The following DNAH14 variants were observed in gnomAD, a reference collection of about 807,000 sequenced individuals.
The protein encoded by DNAH14 is axonemal beta dynein heavy chain 14.
Under a neutral mutation model 520.9 loss-of-function variants are expected in DNAH14, and 478 were observed. The observed-to-expected ratio is 0.92, with a 90% CI of 0.85 to 0.99. The LOEUF (loss-of-function observed/expected upper bound fraction) is 0.99, where lower values mean the gene tolerates loss of function less well. Ranked by LOEUF, DNAH14 falls within the 50% of genes least tolerant of loss-of-function variation. The pLI, the probability that DNAH14 is intolerant of heterozygous loss-of-function variation, is 0.00. For synonymous variants in DNAH14, 1,581 were observed against 1,757.2 expected, an observed-to-expected ratio of 0.90 and a Z score of 2.51; for missense variants, 4,831 against 5,234.5, an observed-to-expected ratio of 0.92 and a Z score of 2.38.
intron 36 of DNAH14, among the ~76,000 whole-genome samples, chr1:225,176,681 G>A (rs1225630268): frequency 6.6e-6 from 1 of 152,128 alleles, no homozygotes; most frequent in East Asian, 1.9e-4. Flanking sequence ...AGTCTCATGG[G>A]ATCTGATGGT....
At chr1:225,373,404 G>A (rs1189322258) in intron 77 of DNAH14, among the ~76,000 whole-genome samples, 1 of 151,866 alleles carries the variant, frequency 6.6e-6, no homozygotes, top group Non-Finnish European at 1.5e-5. Context: ...GGTGGAGGTT[G>A]CAGTGAGCCG....
chr1:224,976,192 T>A (rs1416717547), intron 8 of DNAH14, among the ~76,000 whole-genome samples: 2 of 152,054 alleles, frequency 1.3e-5, no homozygotes, highest in Non-Finnish European at 1.5e-5. Flanking sequence ...CTGAAAAAAA[T>A]GTATATTCTG....
chr1:225,182,595 C>T (rs768880890), intron 36 of DNAH14, among the ~76,000 whole-genome samples: 87 of 152,170 alleles, frequency 5.7e-4, no homozygotes, highest in Non-Finnish European at 1.0e-3. Flanking sequence ...AACAGTCTCA[C>T]ACTGCCTACA....
intron 17 of DNAH14, among the ~76,000 whole-genome samples, chr1:225,071,878 AT>A (rs2071590071): frequency 6.6e-6 from 1 of 152,322 alleles, no homozygotes; most frequent in East Asian, 1.9e-4. Context: ...AACTGCCCCC[AT>A]GATTCAATCA....
chr1:225,220,427 A>G (rs191281646), intron 41 of DNAH14, among the ~76,000 whole-genome samples: 35 of 152,184 alleles, frequency 2.3e-4, no homozygotes, highest in Admixed American at 1.8e-3. Flanking sequence ...CAGCCCTAAA[A>G]CTCTTAAGCT....
In DNAH14 at chr1:225,364,817, G is replaced by A; in HGVS notation, c.12013G>A (p.Asp4005Asn). The change falls in exon 76 of 86, where the codon GAC becomes AAC. Residue 4005 changes from aspartate (D) to asparagine (N), a missense_variant. By Grantham distance (23) the Asp-to-Asn change is conservative. Transcript: ENST00000682510. The stretch of plus-strand genomic sequence containing the variant: ...TTTTAATAGTCCAAACGTGACAATA[G>A]ACCCTGAGTTTCGGCTATGGTTAAG... ...ESFNSPNVTI[D>N]PEFRLWLSSK... 1 of 1,548,138 alleles carries A rather than the reference G, an allele frequency of 6.5e-7. No individual in the cohort carries two copies. Among genetic ancestry groups the A allele is most frequent in the South Asian group, 1.2e-5 (1 of 83,630 alleles).
intron 20 of DNAH14, among the ~76,000 whole-genome samples, chr1:225,084,062 T>G (rs7523371): frequency 0.077 from 11,692 of 152,158 alleles, 1,448 homozygotes; most frequent in African/African-American, 0.26. Flanking sequence ...AGCTATTACA[T>G]GTCTAACATG....
intron 72 of DNAH14, 138 bp downstream of exon 72, chr1:225,352,021 A>T: frequency 1.5e-6 from 1 of 654,116 alleles, no homozygotes; most frequent in Non-Finnish European, 2.6e-6. Context: ...CAGCATGCAC[A>T]TGTTATTCAT....
At chr1:224,958,736 G>C (rs2060663929) in intron 3 of DNAH14, among the ~76,000 whole-genome samples, 1 of 152,024 alleles carries the variant, frequency 6.6e-6, no homozygotes, top group Non-Finnish European at 1.5e-5. Context: ...GAAAATGGGG[G>C]AGGAGAGCAC....
intron 74 of DNAH14, 34 bp from the exon 75 acceptor site, chr1:225,360,647 A>G: frequency 1.3e-6 from 2 of 1,507,582 alleles, no homozygotes; most frequent in Non-Finnish European, 1.8e-6. Context: ...AAATGAGCTT[A>G]CAGTTTTATA....
intron 34 of DNAH14, among the ~76,000 whole-genome samples, chr1:225,157,526 T>C (rs1253091478): frequency 6.6e-6 from 1 of 152,246 alleles, no homozygotes; most frequent in African/African-American, 2.4e-5. Flanking sequence ...AATATTTTAA[T>C]GAAGTGTTAC....
At chr1:225,108,765 G>A (rs1447706575) in intron 23 of DNAH14, among the ~76,000 whole-genome samples, 1 of 152,094 alleles carries the variant, frequency 6.6e-6, no homozygotes, top group East Asian at 1.9e-4. Context: ...GTGCTCATAA[G>A]GTACTACTCA....
chr1:224,999,882 C>T (rs2063638599), intron 8 of DNAH14, among the ~76,000 whole-genome samples: 1 of 152,044 alleles, frequency 6.6e-6, no homozygotes, highest in Non-Finnish European at 1.5e-5. Context: ...AGTTTTTATG[C>T]ATACATTTGA....
intron 17 of DNAH14, among the ~76,000 whole-genome samples, chr1:225,069,538 A>G (rs975450208): frequency 2.6e-5 from 4 of 152,112 alleles, no homozygotes; most frequent in Admixed American, 6.5e-5. Context: ...CCAACTTTGC[A>G]TCTTGGGGAT....
At chr1:225,269,050 G>C (rs1156332395) in intron 49 of DNAH14, among the ~76,000 whole-genome samples, 3 of 152,102 alleles carry the variant, frequency 2.0e-5, no homozygotes, top group African/African-American at 7.2e-5. Flanking sequence ...AACAAAGCTG[G>C]AGGCATCACG....
chr1:224,966,711 G>A (rs74149424), intron 5 of DNAH14, among the ~76,000 whole-genome samples: 3,770 of 152,020 alleles, frequency 0.025, 125 homozygotes, highest in African/African-American at 0.077. Context: ...TGAAAAACAG[G>A]GTCTTTCTCT....
rs2073274450 is a variant in DNAH14 at position 225,082,615 on chromosome 1, C to T, written c.3203C>T (p.Pro1068Leu). ...QVVTEFKQEL[P>L]IIIALGNPCL... ...GTAACAGAGTTTAAACAAGAGCTGC[C>T]TATCATTATAGCTCTGGGAAATCCC... Residue 1068 changes from proline (P) to leucine (L), a missense_variant, in exon 20 of 86, where the codon CCT (proline) becomes CTT (leucine). Transcript: ENST00000682510. The T allele has an allele frequency of 6.4e-7, 1 of 1,551,538 alleles. No homozygotes were observed. The highest frequency in any genetic ancestry group is 1.4e-5 in the African/African-American group (1 of 73,120).
chr1:225,102,965 A>T (rs1024125479), intron 23 of DNAH14, among the ~76,000 whole-genome samples: 1 of 152,204 alleles, frequency 6.6e-6, no homozygotes, highest in Admixed American at 6.5e-5. Flanking sequence ...GTCCTTGGCC[A>T]TGCCTATGTC....
chr1:225,310,087 A>G (rs1399070649), intron 60 of DNAH14, among the ~76,000 whole-genome samples: 2 of 151,600 alleles, frequency 1.3e-5, no homozygotes, highest in African/African-American at 4.8e-5. Flanking sequence ...AAATAAGAGT[A>G]CGGCTTAATT....
Sources: gnomAD v4.1 joint callset for allele counts (sites outside exome capture counted in the v4.1 genomes callset) on GRCh38, gnomAD v4.1.1 for gene constraint, MANE v1.5 for transcripts, NCBI Gene and HGNC (gene_info 2026-07-23, HGNC 2026-07-21) for gene names.